The following ARFGEF2 variants were observed in gnomAD, a reference collection of about 807,000 sequenced individuals.
The protein encoded by ARFGEF2 is brefeldin A-inhibited guanine nucleotide-exchange protein 2.
In ARFGEF2, 74 loss-of-function variants were observed where a neutral mutation model predicts 219.9. The observed-to-expected ratio is 0.34, with a 90% CI of 0.28 to 0.41. The LOEUF (loss-of-function observed/expected upper bound fraction) is 0.41, where lower values mean the gene tolerates loss of function less well. Among genes scored for constraint, ARFGEF2 ranks in the 10% least tolerant of loss-of-function variants. The probability of loss-of-function intolerance (pLI) is 1.00; values close to 1 mark genes in which losing one functional copy is unlikely to be tolerated. For missense variants in ARFGEF2, 1,743 were observed against 2,218.3 expected (o/e 0.79, Z 4.30); for synonymous variants, 733 against 799.2 (o/e 0.92, Z 1.40).
chr20:48,942,022 TC>T (rs746252550), intron 3 of ARFGEF2, 35 bp downstream of exon 3: 1 of 1,613,206 alleles, frequency 6.2e-7, no homozygotes, highest in Admixed American at 1.7e-5. Flanking sequence ...TCAAGGGGGT[TC>T]TCTCCAAGCC....
intron 25 of ARFGEF2, 32 bp downstream of exon 25, chr20:48,998,537 T>A: frequency 2.8e-6 from 4 of 1,433,410 alleles, no homozygotes; most frequent in Admixed American, 1.9e-5. Context: ...CCATTCCTGT[T>A]AAAAAAAAAA....
At chr20:48,948,711 A>G (rs2091045791) in intron 3 of ARFGEF2, among the ~76,000 whole-genome samples, 1 of 152,162 alleles carries the variant, frequency 6.6e-6, no homozygotes, top group Admixed American at 6.5e-5. Flanking sequence ...GGCCTGTTAT[A>G]GTGTATTATA....
intron 1 of ARFGEF2, among the ~76,000 whole-genome samples, chr20:48,926,547 A>G (rs1189807697): frequency 2.0e-5 from 3 of 151,634 alleles, no homozygotes; most frequent in Admixed American, 6.6e-5. Context: ...CAACCTCTCC[A>G]TCCCTGGCTC....
intron 13 of ARFGEF2, among the ~76,000 whole-genome samples, chr20:48,975,168 G>A (rs906608212): frequency 3.9e-5 from 6 of 152,134 alleles, no homozygotes; most frequent in Middle Eastern, 3.4e-3. Context: ...TCCTATGTAC[G>A]TAAGTCTGTT....
chr20:48,989,707 C>A, intron 20 of ARFGEF2, 23 bp downstream of exon 20: 1 of 1,613,878 alleles, frequency 6.2e-7, no homozygotes, highest in Non-Finnish European at 8.5e-7. Context: ...CAGCAACACT[C>A]CAGAGATACT....
chr20:48,922,390 C>A (rs1233616886), intron 1 of ARFGEF2, among the ~76,000 whole-genome samples: 1 of 152,208 alleles, frequency 6.6e-6, no homozygotes, highest in Non-Finnish European at 1.5e-5. Context: ...GTGAACAGAG[C>A]ATGTAGGAAG....
At position 49,013,713 on chromosome 20, in the gene ARFGEF2, G is replaced by A. The variant is rs1383263001; in HGVS notation, c.4049+19G>A. 2.5e-6 allele frequency: 4 copies of A among 1,613,916 alleles called. No individual in the cohort carries two copies. Among genetic ancestry groups the A allele is most frequent in the South Asian group, 1.1e-5 (1 of 91,072 alleles). On this transcript the variant is annotated intron_variant, in intron 29 of 38. Coordinates refer to ENST00000371917, the MANE Select transcript of ARFGEF2 (RefSeq NM_006420.3). Reference sequence around the variant, plus strand: ...GAACAAGGTAACCATGTTCCCGTGCGGTGGCCCCTTACATCACTGAAATGA... The same window carrying A: ...GAACAAGGTAACCATGTTCCCGTGCAGTGGCCCCTTACATCACTGAAATGA...
chr20:48,940,611 A>G (rs1308896680), intron 1 of ARFGEF2, among the ~76,000 whole-genome samples: 1 of 152,242 alleles, frequency 6.6e-6, no homozygotes, highest in Non-Finnish European at 1.5e-5. Flanking sequence ...AGAGCCAGAA[A>G]GCCTCGGTTC....
intron 17 of ARFGEF2, 35 bp from the exon 18 acceptor site, chr20:48,988,455 GT>G: frequency 6.2e-7 from 1 of 1,610,566 alleles, no homozygotes. Context: ...GCAATTGGAT[GT>G]TTTTTAAATG....
intron 34 of ARFGEF2, among the ~76,000 whole-genome samples, chr20:49,020,033 G>A (rs1239568611): frequency 6.6e-6 from 1 of 152,228 alleles, no homozygotes; most frequent in Admixed American, 6.5e-5. Context: ...AATCCTCATA[G>A]TAGCCTTTGA....
intron 11 of ARFGEF2, among the ~76,000 whole-genome samples, chr20:48,972,854 C>T (rs2091236760): frequency 6.6e-6 from 1 of 152,132 alleles, no homozygotes. Context: ...GTAAGAGTGA[C>T]ACAACTTTAA....
chr20:48,977,690 C>T (rs932436887), intron 14 of ARFGEF2, among the ~76,000 whole-genome samples: 5 of 152,160 alleles, frequency 3.3e-5, no homozygotes, highest in African/African-American at 4.8e-5. Context: ...GAGATGGTAT[C>T]GCATTGTGGT....
chr20:48,980,641 A>T (rs1198615529), intron 14 of ARFGEF2, among the ~76,000 whole-genome samples: 1 of 152,086 alleles, frequency 6.6e-6, no homozygotes, highest in African/African-American at 2.4e-5. Flanking sequence ...GTCTCTAAGG[A>T]CTTGCTTTAT....
Position 48,969,142 on chromosome 20 carries a change from C to A in ARFGEF2, c.1060-5C>A. On this transcript the variant is annotated splice_polypyrimidine_tract_variant and splice_region_variant and intron_variant, in intron 8 of 38. Transcript: ENST00000371917. The stretch of plus-strand genomic sequence containing the variant: ...CACCCAGCTGATGTTTGTTTCTGAT[C>A]CTAGGAATCGGATGCACAAGGACAT... 6.2e-7 allele frequency: 1 copy of A among 1,613,812 alleles called. No homozygotes were observed. The highest frequency in any genetic ancestry group is 1.6e-4 in the Middle Eastern group (1 of 6,062).
intron 14 of ARFGEF2, among the ~76,000 whole-genome samples, chr20:48,980,911 A>G (rs1469754551): frequency 2.6e-5 from 4 of 152,016 alleles, no homozygotes; most frequent in Admixed American, 1.3e-4. Flanking sequence ...AATATAGCAC[A>G]CTGAGGTCTT....
intron 8 of ARFGEF2, among the ~76,000 whole-genome samples, chr20:48,968,272 C>T (rs1411847851): frequency 3.3e-5 from 5 of 152,092 alleles, no homozygotes; most frequent in Non-Finnish European, 2.9e-5. Flanking sequence ...GGATTACAGG[C>T]GTGAGCCACC....
intron 6 of ARFGEF2, among the ~76,000 whole-genome samples, chr20:48,958,518 G>A (rs894950793): frequency 1.3e-5 from 2 of 151,316 alleles, no homozygotes; most frequent in Admixed American, 6.6e-5. Flanking sequence ...CTCACTGCAA[G>A]CTCCGCCTCC....
At chr20:48,935,617 G>C (rs1308345392) in intron 1 of ARFGEF2, among the ~76,000 whole-genome samples, 15 of 152,302 alleles carry the variant, frequency 9.8e-5, no homozygotes, top group Admixed American at 3.9e-4. Context: ...GGTACACCTT[G>C]CAGACGGGGT....
intron 25 of ARFGEF2, among the ~76,000 whole-genome samples, chr20:49,001,763 T>A (rs2091426546): frequency 6.6e-6 from 1 of 152,208 alleles, no homozygotes; most frequent in Non-Finnish European, 1.5e-5. Context: ...TTTCCAGACA[T>A]TTTTGTATTC....
Sources: allele counts gnomAD v4.1 joint callset (sites outside exome capture counted in the v4.1 genomes callset), GRCh38; gene constraint gnomAD v4.1.1; transcripts MANE v1.5; gene names NCBI Gene and HGNC (gene_info 2026-07-23, HGNC 2026-07-21).